The following ACTN2 variants were observed in gnomAD, a reference collection of about 807,000 sequenced individuals.
The protein encoded by ACTN2 is alpha-actinin-2.
Under a neutral mutation model 113.8 loss-of-function variants are expected in ACTN2, and 39 were observed. The observed-to-expected ratio is 0.34, with a 90% CI of 0.27 to 0.45. The LOEUF (loss-of-function observed/expected upper bound fraction) is 0.45, where lower values mean the gene tolerates loss of function less well. Among genes scored for constraint, ACTN2 ranks in the 20% least tolerant of loss-of-function variants. The probability of loss-of-function intolerance (pLI) is 1.00; values close to 1 mark genes in which losing one functional copy is unlikely to be tolerated. For synonymous variants in ACTN2, 429 were observed against 444.1 expected, an observed-to-expected ratio of 0.97 and a Z score of 0.43; for missense variants, 992 against 1,177.9, an observed-to-expected ratio of 0.84 and a Z score of 2.31.
chr1:236,734,110 T>G (rs1426195424), intron 7 of ACTN2, among the ~76,000 whole-genome samples: 1 of 152,130 alleles, frequency 6.6e-6, no homozygotes, highest in Non-Finnish European at 1.5e-5. Flanking sequence ...TCCTGGTGAG[T>G]GTGCTGGTGT....
At chr1:236,745,714 C>T (rs928566921) in intron 12 of ACTN2, among the ~76,000 whole-genome samples, 5 of 152,188 alleles carry the variant, frequency 3.3e-5, no homozygotes, top group Admixed American at 6.5e-5. Context: ...TTCTTCAGGT[C>T]CTTTTCCCTT....
At chr1:236,751,365 C>CT in intron 14 of ACTN2, 105 bp from the exon 15 acceptor site, 1 of 1,368,006 alleles carries the variant, frequency 7.3e-7, no homozygotes, top group East Asian at 2.4e-5. Flanking sequence ...TCCAGAGACT[C>CT]TTGCAATCAT....
At chr1:236,734,608 C>T (rs1658811597) in intron 7 of ACTN2, 2 of 944,100 alleles carry the variant, frequency 2.1e-6, no homozygotes, top group East Asian at 2.7e-5. Context: ...TCCCCCCTCT[C>T]CTCCGAGTAA....
chr1:236,691,600 G>A (rs908679546), intron 1 of ACTN2, among the ~76,000 whole-genome samples: 12 of 151,868 alleles, frequency 7.9e-5, no homozygotes, highest in African/African-American at 2.2e-4. Flanking sequence ...AGCTGTGATC[G>A]TGCCGCTGCA....
chr1:236,731,377 C>T (rs1395488108), intron 7 of ACTN2, 63 bp downstream of exon 7: 2 of 1,370,022 alleles, frequency 1.5e-6, no homozygotes, highest in East Asian at 2.3e-5. Context: ...GTTATGGCTA[C>T]ACATTGGGAC....
intron 9 of ACTN2, 55 bp from the exon 10 acceptor site, chr1:236,739,247 C>A: frequency 5.2e-6 from 8 of 1,535,662 alleles, no homozygotes; most frequent in Admixed American, 1.8e-5. Flanking sequence ...TTTTTTTTAA[C>A]TGGGGGAGGG....
intron 1 of ACTN2, among the ~76,000 whole-genome samples, chr1:236,709,728 T>C (rs1475391987): frequency 6.6e-6 from 1 of 152,090 alleles, no homozygotes; most frequent in Admixed American, 6.6e-5. Context: ...TTATAATTGG[T>C]AGGTTTAAAA....
chr1:236,702,178 G>T (rs1410262548), intron 1 of ACTN2, among the ~76,000 whole-genome samples: 1 of 152,188 alleles, frequency 6.6e-6, no homozygotes. Context: ...ATTAACTTCA[G>T]AACGCTAGGA....
chr1:236,735,367 C>T (rs1372022254), intron 7 of ACTN2, among the ~76,000 whole-genome samples: 1 of 151,630 alleles, frequency 6.6e-6, no homozygotes, highest in East Asian at 1.9e-4. Context: ...TTGAATGCAC[C>T]TTTAAAAGCC....
intron 4 of ACTN2, among the ~76,000 whole-genome samples, chr1:236,721,815 A>G (rs368532925): frequency 1.8e-4 from 28 of 152,316 alleles, no homozygotes; most frequent in African/African-American, 5.8e-4. Context: ...ACAGAGGTGA[A>G]GTTGACCTCA....
At chr1:236,717,780 G>A in intron 1 of ACTN2, 78 bp from the exon 2 acceptor site, 1 of 946,280 alleles carries the variant, frequency 1.1e-6, no homozygotes, top group Non-Finnish European at 1.7e-6. Context: ...GAACGTGTAA[G>A]GTGTCAAGTG....
intron 1 of ACTN2, among the ~76,000 whole-genome samples, chr1:236,694,927 A>G (rs1054328684): frequency 6.6e-6 from 1 of 152,026 alleles, no homozygotes; most frequent in Non-Finnish European, 1.5e-5. Context: ...ATTAGCCGGT[A>G]TGGTGGCGTG....
intron 1 of ACTN2, among the ~76,000 whole-genome samples, chr1:236,717,288 T>G (rs933337315): frequency 1.3e-5 from 2 of 151,834 alleles, no homozygotes; most frequent in South Asian, 4.2e-4. Context: ...TAAAAAAAAA[T>G]TAGCTAGGTG....
At chr1:236,761,285 C>T in intron 20 of ACTN2, 112 bp downstream of exon 20, 1 of 1,272,276 alleles carries the variant, frequency 7.9e-7, no homozygotes, top group Non-Finnish European at 1.1e-6. Context: ...GTATTTTGTA[C>T]AACATTGGCA....
chr1:236,725,868 G>C, intron 4 of ACTN2, 65 bp from the exon 5 acceptor site: 1 of 1,465,934 alleles, frequency 6.8e-7, no homozygotes, highest in Non-Finnish European at 9.6e-7. Context: ...TTTCAAAAGT[G>C]ACTAGGAGCT....
chr1:236,736,789 A>G, intron 8 of ACTN2: 1 of 684,762 alleles, frequency 1.5e-6, no homozygotes, highest in Non-Finnish European at 2.4e-6. Flanking sequence ...ACATTCAGGG[A>G]CCCAAGATCT....
chr1:236,739,197 G>A (rs984745820), intron 9 of ACTN2, 105 bp from the exon 10 acceptor site: 33 of 1,191,218 alleles, frequency 2.8e-5, no homozygotes, highest in Middle Eastern at 1.9e-4. Flanking sequence ...AGTGATTTTA[G>A]GAACATTCAT....
At chr1:236,706,565 G>A (rs1657829543) in intron 1 of ACTN2, among the ~76,000 whole-genome samples, 1 of 152,154 alleles carries the variant, frequency 6.6e-6, no homozygotes, top group African/African-American at 2.4e-5. Context: ...AGAGTTTGTT[G>A]GGGGAGAATC....
At chr1:236,704,706 C>T (rs1157938812) in intron 1 of ACTN2, among the ~76,000 whole-genome samples, 1 of 152,134 alleles carries the variant, frequency 6.6e-6, no homozygotes, top group East Asian at 1.9e-4. Context: ...AGCTTCTATG[C>T]CCTCCCCAGC....
Sources: gnomAD v4.1 joint callset for allele counts (sites outside exome capture counted in the v4.1 genomes callset) on GRCh38, gnomAD v4.1.1 for gene constraint, MANE v1.5 for transcripts, NCBI Gene and HGNC (gene_info 2026-07-23, HGNC 2026-07-21) for gene names.